SLC39A14: variants seen among roughly 807,000 people sequenced by gnomAD.
SLC39A14 encodes the protein solute carrier family 39 member 14.
Under a neutral mutation model 45.5 loss-of-function variants are expected in SLC39A14, and 19 were observed. The ratio of observed to expected loss-of-function variants is 0.42; its 90% CI spans 0.29 to 0.61. The LOEUF is 0.61. Among genes scored for constraint, SLC39A14 ranks in the 20% least tolerant of loss-of-function variants. The probability of loss-of-function intolerance (pLI) is 0.22; values close to 1 mark genes in which losing one functional copy is unlikely to be tolerated. For missense variants in SLC39A14, 447 were observed against 616.5 expected (o/e 0.73, Z 2.91); for synonymous variants, 264 against 251.3 (o/e 1.05, Z -0.48).
chr8:22,404,700 A>T lies in SLC39A14; in HGVS notation c.-11A>T. 1 of 1,598,322 alleles carries T rather than the reference A, an allele frequency of 6.3e-7. No homozygotes were observed. Among genetic ancestry groups the T allele is most frequent in the Non-Finnish European group, 8.5e-7 (1 of 1,177,962 alleles). On this transcript the variant is annotated 5_prime_UTR_variant, in exon 2 of 9. Coordinates refer to ENST00000381237, the MANE Select transcript of SLC39A14 (RefSeq NM_001128431.4). ...ACCTGCCTTTTTCTCTCACAGGTTT[A>T]TTCAGTCACCATGAAGCTGCTGCTG...
chr8:22,419,640 C>T lies in SLC39A14; in HGVS notation c.1421C>T (p.Thr474Ile). 1 of 1,614,174 alleles carries T rather than the reference C, an allele frequency of 6.2e-7. No individual in the cohort carries two copies. The highest frequency in any genetic ancestry group is 8.5e-7 in the Non-Finnish European group (1 of 1,180,000). The change falls in exon 9 of 9, where the codon ACT becomes ATT. Residue 474 changes from threonine (T) to isoleucine (I), a missense_variant. By Grantham distance (89) the Thr-to-Ile change is moderately conservative. Around this residue, in one of 2 missense-constraint regions of SLC39A14, gnomAD observed 105 missense variants for 188.4 expected, o/e 0.56. Transcript: ENST00000381237. ...ATCATCCAGAACCTGGGCCTCCTGA[C>T]TGGATTCACCATCATGGTGGTCCTC... ...PFIIQNLGLLTGFTIMVVLTM... is the reference protein window; with the variant it reads ...PFIIQNLGLLIGFTIMVVLTM...
chr8:22,387,544 G>A (rs1166694711), intron 1 of SLC39A14, among the ~76,000 whole-genome samples: 1 of 152,196 alleles, frequency 6.6e-6, no homozygotes, highest in Non-Finnish European at 1.5e-5. Flanking sequence ...TGGTTATGTT[G>A]TCAGGGAAGT....
intron 8 of SLC39A14, among the ~76,000 whole-genome samples, chr8:22,428,974 G>GA (rs1427823749): frequency 1.1e-4 from 17 of 152,002 alleles, no homozygotes; most frequent in African/African-American, 4.1e-4. Flanking sequence ...TCTTTGTCTT[G>GA]AAAAAGAACA....
At position 22,421,596 on chromosome 8, in the gene SLC39A14, T is replaced by G. The variant is rs993323383; in HGVS notation, c.*1898T>G. ...ATTGTTGTTTTTAAACGGTTCTTTG[T>G]CTTTTCTGTTTTATTTTTCTCAAGC... On this transcript the variant is annotated 3_prime_UTR_variant, in exon 9 of 9. Coordinates refer to ENST00000381237, the MANE Select transcript of SLC39A14 (RefSeq NM_001128431.4). 1.0e-6 allele frequency: 1 copy of G among 985,672 alleles called. No homozygotes were observed. Among genetic ancestry groups the G allele is most frequent in the Non-Finnish European group, 1.2e-6 (1 of 829,852 alleles). The allele number at this position is 985,672 out of a possible 1,614,324, so 61.1% of individuals were successfully genotyped here. A position where few individuals can be genotyped will look rare whatever the true frequency, so the allele number is the denominator to read the frequency against.
intron 5 of SLC39A14, chr8:22,415,155 A>C: frequency 2.2e-6 from 1 of 445,582 alleles, no homozygotes; most frequent in South Asian, 3.0e-5. Context: ...TTTTGTTCTA[A>C]GATTATTTCC....
downstream of SLC39A14, among the ~76,000 whole-genome samples, chr8:22,426,623 A>G (rs1836391648): frequency 6.6e-6 from 1 of 152,010 alleles, no homozygotes; most frequent in South Asian, 2.1e-4. Context: ...GCCATCAGGA[A>G]TCTCCCAGAG....
chr8:22,420,216 T>C lies in SLC39A14; in HGVS notation c.*518T>C. On this transcript the variant is annotated 3_prime_UTR_variant, in exon 9 of 9. Coordinates refer to ENST00000381237, the MANE Select transcript of SLC39A14 (RefSeq NM_001128431.4). ...TTTTCAAAGTCTGTTTAATTGCCTATTACTTCTCTCAAAGAGAACCTGAAG... is the reference window on the plus strand; with the variant it reads ...TTTTCAAAGTCTGTTTAATTGCCTACTACTTCTCTCAAAGAGAACCTGAAG... 1.0e-6 allele frequency: 1 copy of C among 985,846 alleles called. No individual in the cohort carries two copies. Among genetic ancestry groups the C allele is most frequent in the Non-Finnish European group, 1.2e-6 (1 of 830,288 alleles). The allele number at this position is 985,846 out of a possible 1,614,324, so 61.1% of individuals were successfully genotyped here. A position where few individuals can be genotyped will look rare whatever the true frequency, so the allele number is the denominator to read the frequency against.
chr8:22,393,488 G>T (rs1423466276), intron 1 of SLC39A14, among the ~76,000 whole-genome samples: 1 of 152,166 alleles, frequency 6.6e-6, no homozygotes, highest in African/African-American at 2.4e-5. Context: ...GAAGCCTGTA[G>T]GGCAGTATTC....
rs1479606863 is a variant in SLC39A14 at position 22,420,646 on chromosome 8, G to C, written c.*948G>C. ...CCTCCCCCAGGTTGAGACGTCTGCAGAGTGGCAAGCTGACTTGTAGAAATG... is the reference window on the plus strand; with the variant it reads ...CCTCCCCCAGGTTGAGACGTCTGCACAGTGGCAAGCTGACTTGTAGAAATG... On this transcript the variant is annotated 3_prime_UTR_variant, in exon 9 of 9. Transcript: ENST00000381237. 2.0e-6 allele frequency: 2 copies of C among 985,326 alleles called. No individual in the cohort carries two copies. The highest frequency in any genetic ancestry group is 1.2e-4 in the Admixed American group (2 of 16,262). 61.0% of individuals were successfully genotyped at this position (985,326 alleles called of 1,614,324 possible). A position where few individuals can be genotyped will look rare whatever the true frequency, so the allele number is the denominator to read the frequency against.
intron 1 of SLC39A14, among the ~76,000 whole-genome samples, chr8:22,384,769 G>GC (rs1198541187): frequency 7.2e-6 from 1 of 139,018 alleles, no homozygotes; most frequent in Non-Finnish European, 1.5e-5. Context: ...AAAAATCTTG[G>GC]CCGGGCACGG....
intron 1 of SLC39A14, among the ~76,000 whole-genome samples, chr8:22,378,107 G>C (rs1833310613): frequency 6.6e-6 from 1 of 152,164 alleles, no homozygotes; most frequent in Non-Finnish European, 1.5e-5. Context: ...CCTGCTCTTG[G>C]TAGGCATGTG....
downstream of SLC39A14, among the ~76,000 whole-genome samples, chr8:22,423,786 T>TTCTCTCTCTCTCTCTCTCTCTCTCTC (rs58420252): frequency 0.032 from 3,951 of 121,846 alleles, 288 homozygotes; most frequent in East Asian, 0.069. Flanking sequence ...TTTAATTGGT[T>TTCTCTCTCTCTCTCTCTCTCTCTCTC]TCTCTCTCTC....
intron 7 of SLC39A14, among the ~76,000 whole-genome samples, chr8:22,416,681 C>T (rs1428479197): frequency 4.6e-5 from 7 of 151,870 alleles, no homozygotes; most frequent in Non-Finnish European, 8.8e-5. Context: ...GTGATCCGCC[C>T]GCCTCAGCCT....
intron 1 of SLC39A14, among the ~76,000 whole-genome samples, chr8:22,386,930 T>C (rs1008775942): frequency 6.6e-6 from 1 of 152,122 alleles, no homozygotes; most frequent in African/African-American, 2.4e-5. Flanking sequence ...CCCAGCACTT[T>C]GGGAGGCTGG....
At chr8:22,433,647 C>A (rs144533153) in intron 8 of SLC39A14, among the ~76,000 whole-genome samples, 52 of 151,218 alleles carry the variant, frequency 3.4e-4, no homozygotes, top group African/African-American at 1.2e-3. Flanking sequence ...AGACCGCCCA[C>A]CTCAGCCTCC....
intron 1 of SLC39A14, among the ~76,000 whole-genome samples, chr8:22,372,321 CA>C (rs1489994866): frequency 6.6e-6 from 1 of 152,088 alleles, no homozygotes; most frequent in Non-Finnish European, 1.5e-5. Context: ...ATAAATGCTC[CA>C]AGGTAGCATT....
intron 1 of SLC39A14, among the ~76,000 whole-genome samples, chr8:22,397,761 G>A (rs375485694): frequency 1.8e-4 from 28 of 152,326 alleles, no homozygotes; most frequent in East Asian, 1.7e-3. Context: ...ATGGTTATCT[G>A]CTAGCTGGAG....
At chr8:22,395,327 C>T (rs1031373021) in intron 1 of SLC39A14, among the ~76,000 whole-genome samples, 3 of 152,156 alleles carry the variant, frequency 2.0e-5, no homozygotes, top group Non-Finnish European at 4.4e-5. Context: ...TTCCCCTCTC[C>T]GGGAATACGA....
At chr8:22,403,394 C>T (rs982863304) in intron 1 of SLC39A14, among the ~76,000 whole-genome samples, 5 of 151,976 alleles carry the variant, frequency 3.3e-5, no homozygotes, top group African/African-American at 1.2e-4. Context: ...ATTCTCCTGC[C>T]TCAGCCTCCT....
Sources: gnomAD v4.1 joint callset for allele counts (sites outside exome capture counted in the v4.1 genomes callset) on GRCh38, gnomAD v4.1.1 for gene constraint, gnomAD v4.1.1 regional missense constraint, MANE v1.5 for transcripts, NCBI Gene and HGNC (gene_info 2026-07-23, HGNC 2026-07-21) for gene names.